The following LRRK2 variants were observed in gnomAD, a reference collection of about 807,000 sequenced individuals.
The protein encoded by LRRK2 is leucine rich repeat kinase 2, also known as leucine-rich repeat serine/threonine-protein kinase 2.
Under a neutral mutation model 302.6 loss-of-function variants are expected in LRRK2, and 203 were observed. The ratio of observed to expected loss-of-function variants is 0.67; its 90% CI spans 0.60 to 0.75. The LOEUF is 0.75. Ranked by LOEUF, LRRK2 falls within the 30% of genes least tolerant of loss-of-function variation. The pLI, the probability that LRRK2 is intolerant of heterozygous loss-of-function variation, is 0.00. For synonymous variants in LRRK2, 1,066 were observed against 1,031.9 expected (o/e 1.03, Z -0.63); for missense variants, 2,830 against 2,951.0 (o/e 0.96, Z 0.95).
intron 27 of LRRK2, 84 bp from the exon 28 acceptor site, chr12:40,305,701 C>T: frequency 8.2e-7 from 1 of 1,212,796 alleles, no homozygotes; most frequent in South Asian, 1.2e-5. Context: ...ATCTGTGAGC[C>T]TTTCTTGTTT....
intron 20 of LRRK2, among the ~76,000 whole-genome samples, chr12:40,290,071 AT>A (rs1273995615): frequency 5.3e-5 from 8 of 151,994 alleles, no homozygotes; most frequent in African/African-American, 1.4e-4. Context: ...GTAGTTTTTC[AT>A]AGATGCCCTT....
chr12:40,289,633 A>G (rs1944066766), intron 20 of LRRK2, among the ~76,000 whole-genome samples: 1 of 150,950 alleles, frequency 6.6e-6, no homozygotes, highest in Non-Finnish European at 1.5e-5. Context: ...AATGTGATAT[A>G]TAGTTCAATT....
intron 16 of LRRK2, among the ~76,000 whole-genome samples, chr12:40,276,691 C>A (rs1008605181): frequency 6.6e-6 from 1 of 152,198 alleles, no homozygotes; most frequent in Non-Finnish European, 1.5e-5. Context: ...TTTTCAGAGA[C>A]CTCTGCTCTA....
intron 14 of LRRK2, 79 bp downstream of exon 14, chr12:40,263,980 T>C: frequency 1.0e-6 from 1 of 990,200 alleles, no homozygotes; most frequent in East Asian, 2.6e-5. Context: ...GCTTTTTCAG[T>C]CTAAGTTTTC....
chr12:40,346,998 G>C, intron 42 of LRRK2, 75 bp downstream of exon 42: 1 of 1,223,494 alleles, frequency 8.2e-7, no homozygotes, highest in Non-Finnish European at 1.2e-6. Flanking sequence ...AATTGTAGTT[G>C]TATGCTTAAT....
Position 40,334,824 on chromosome 12 carries a change from A to T in LRRK2, c.5758-143A>T, listed in dbSNP as rs149596967. 0.023 allele frequency: 22,089 copies of T among 966,924 alleles called. 669 individuals carry two copies. Among genetic ancestry groups the T allele is most frequent in the South Asian group, 0.098 (6,909 of 70,302 alleles). 59.9% of individuals were successfully genotyped at this position (966,924 alleles called of 1,614,324 possible). ...TTATTACTGAAAATACGGGAAAAAA[A>T]ACTCAGAGAAGAAATGGAAAGTTTG... On this transcript the variant is annotated intron_variant, in intron 39 of 50. Transcript: ENST00000298910.
At position 40,346,767 on chromosome 12, in the gene LRRK2, G is replaced by A; in HGVS notation, c.6124G>A (p.Glu2042Lys). The A allele has an allele frequency of 6.2e-7, 1 of 1,613,898 alleles. No homozygotes were observed. Among genetic ancestry groups the A allele is most frequent in the Non-Finnish European group, 8.5e-7 (1 of 1,179,894 alleles). ...CTTACTTTCAGGGTTTCGTGCACCTGAAGTTGCCAGAGGAAATGTCATTTA... is the reference window on the plus strand; with the variant it reads ...CTTACTTTCAGGGTTTCGTGCACCTAAAGTTGCCAGAGGAAATGTCATTTA... Reference protein sequence around the residue: ...SEGTPGFRAPEVARGNVIYNQ... With the variant: ...SEGTPGFRAPKVARGNVIYNQ... The change falls in exon 42 of 51, where the codon GAA becomes AAA. Residue 2042 changes from glutamate (E) to lysine (K), a missense_variant. Glu to Lys is a moderately conservative substitution (Grantham distance 56). Around this residue, in one of 3 missense-constraint regions of LRRK2, gnomAD observed 253 missense variants for 346.7 expected, o/e 0.73. Coordinates refer to ENST00000298910, the MANE Select transcript of LRRK2 (RefSeq NM_198578.4).
chr12:40,229,546 G>T (rs953887542), intron 2 of LRRK2, among the ~76,000 whole-genome samples: 5 of 152,060 alleles, frequency 3.3e-5, no homozygotes, highest in African/African-American at 1.2e-4. Context: ...TTATTCTCAA[G>T]GGTTCAACCT....
At chr12:40,266,643 T>C (rs1404424782) in intron 14 of LRRK2, among the ~76,000 whole-genome samples, 8 of 152,156 alleles carry the variant, frequency 5.3e-5, no homozygotes, top group Non-Finnish European at 8.8e-5. Context: ...CCAGCCATCC[T>C]GTTAGTGGGT....
At position 40,309,157 on chromosome 12, in the gene LRRK2, T is replaced by C. The variant is rs750386242; in HGVS notation, c.4241T>C (p.Leu1414Ser). 8 of 1,613,936 alleles carry C rather than the reference T, an allele frequency of 5.0e-6. No homozygotes were observed. Among genetic ancestry groups the C allele is most frequent in the Non-Finnish European group, 6.8e-6 (8 of 1,179,888 alleles). ...CCCCATTTTATGACGCAGCGAGCAT[T>C]GTACCTTGCTGTCTATGACCTCAGC... ...THPHFMTQRA[L>S]YLAVYDLSKG... is the part of the protein sequence containing the mutation. Residue 1414 changes from leucine (L) to serine (S), a missense_variant, in exon 30 of 51, where the codon TTG becomes TCG. By Grantham distance (145) the Leu-to-Ser change is moderately radical (BLOSUM62 -2). Transcript: ENST00000298910.
chr12:40,337,588 C>G (rs1945911912), intron 40 of LRRK2, among the ~76,000 whole-genome samples: 1 of 152,140 alleles, frequency 6.6e-6, no homozygotes, highest in Non-Finnish European at 1.5e-5. Flanking sequence ...GTCCTTGACT[C>G]TATTTTACAT....
chr12:40,331,255 G>T (rs1343726014), intron 39 of LRRK2, among the ~76,000 whole-genome samples: 1 of 152,158 alleles, frequency 6.6e-6, no homozygotes, highest in Non-Finnish European at 1.5e-5. Context: ...AGGTTTGCTT[G>T]TTCAAGTTAC....
chr12:40,326,153 A>G (rs536717246), intron 38 of LRRK2, among the ~76,000 whole-genome samples: 9 of 152,308 alleles, frequency 5.9e-5, no homozygotes, highest in Admixed American at 2.6e-4. Flanking sequence ...ATTCTCAAAT[A>G]GAGAAGGGCT....
chr12:40,362,390 G>GT (rs752735892), intron 47 of LRRK2, among the ~76,000 whole-genome samples: 1 of 151,776 alleles, frequency 6.6e-6, no homozygotes, highest in Non-Finnish European at 1.5e-5. Context: ...CATATTCCTC[G>GT]TTGTTCATTC....
chr12:40,346,693 T>G (rs1946198567), intron 41 of LRRK2, 60 bp from the exon 42 acceptor site: 12 of 1,511,544 alleles, frequency 7.9e-6, no homozygotes, highest in African/African-American at 1.4e-5. Context: ...AGTGTATGCC[T>G]CCTTGGATGT....
chr12:40,292,462 A>G (rs1471957918), intron 20 of LRRK2, among the ~76,000 whole-genome samples: 1 of 152,002 alleles, frequency 6.6e-6, no homozygotes, highest in Non-Finnish European at 1.5e-5. Context: ...GCTTGTACAA[A>G]TAATGTGCTA....
intron 41 of LRRK2, among the ~76,000 whole-genome samples, chr12:40,345,748 C>T (rs985966245): frequency 1.3e-5 from 2 of 151,628 alleles, no homozygotes; most frequent in Admixed American, 6.6e-5. Context: ...GCTCTCTTTG[C>T]GTATGAATGA....
chr12:40,323,917 T>G (rs1234396742), intron 38 of LRRK2, among the ~76,000 whole-genome samples: 1 of 152,104 alleles, frequency 6.6e-6, no homozygotes, highest in African/African-American at 2.4e-5. Flanking sequence ...GTTTAGGTGC[T>G]CATTGAGAAA....
At chr12:40,285,852 G>A (rs1414356589) in intron 19 of LRRK2, among the ~76,000 whole-genome samples, 1 of 151,974 alleles carries the variant, frequency 6.6e-6, no homozygotes, top group Non-Finnish European at 1.5e-5. Flanking sequence ...TGCTAATGTT[G>A]ATGAAAATGC....
Sources: allele counts gnomAD v4.1 joint callset (sites outside exome capture counted in the v4.1 genomes callset), GRCh38; gene constraint gnomAD v4.1.1; regional missense constraint gnomAD v4.1.1; transcripts MANE v1.5; gene names NCBI Gene and HGNC (gene_info 2026-07-23, HGNC 2026-07-21).